The following CEMIP2 variants were observed in gnomAD, a reference collection of about 807,000 sequenced individuals.
CEMIP2 encodes cell migration inducing hyaluronidase 2.
In CEMIP2, 79 loss-of-function variants were observed where a neutral mutation model predicts 146.9. That is an observed-to-expected ratio of 0.54 (90% CI 0.45 to 0.65). The LOEUF (loss-of-function observed/expected upper bound fraction) is 0.65, where lower values mean the gene tolerates loss of function less well. Ranked by LOEUF, CEMIP2 falls within the 30% of genes least tolerant of loss-of-function variation. CEMIP2 has a pLI of 0.00. For missense variants in CEMIP2, 1,596 were observed against 1,696.2 expected, an observed-to-expected ratio of 0.94 and a Z score of 1.04; for synonymous variants, 601 against 606.3, an observed-to-expected ratio of 0.99 and a Z score of 0.13.
At chr9:71,734,772 T>C (rs901089365) in intron 6 of CEMIP2, 34 bp downstream of exon 6, 2 of 1,533,108 alleles carry the variant, frequency 1.3e-6, no homozygotes, top group African/African-American at 1.4e-5. Context: ...GAAAATAGTG[T>C]GTTTCCCAAG....
Position 71,730,178 on chromosome 9 carries a change from A to C in CEMIP2, c.1849T>G (p.Leu617Val). The C allele has an allele frequency of 2.5e-6, 4 of 1,614,174 alleles. No homozygotes were observed. Among genetic ancestry groups the C allele is most frequent in the Non-Finnish European group, 3.4e-6 (4 of 1,180,028 alleles). The change falls in exon 9 of 24, where the codon TTG (leucine) becomes GTG (valine). Residue 617 changes from leucine (L) to valine (V), a missense_variant. Physicochemically the swap from Leu to Val is conservative, Grantham distance 32. Transcript: ENST00000377044. ...GTGAGGAGTCCCAGATTGTGGAACA[A>C]AGTATTCCTCTGTTCAATACCATCT... is the stretch of plus-strand genomic sequence containing the variant. The part of the protein sequence containing the change: ...LEDGIEQRNT[L>V]FHNLGLLTKP...
At chr9:71,737,664 C>G (rs1823800890) in intron 5 of CEMIP2, among the ~76,000 whole-genome samples, 1 of 152,150 alleles carries the variant, frequency 6.6e-6, no homozygotes, top group East Asian at 1.9e-4. Flanking sequence ...AGTCACCGTA[C>G]CCGGCTCTGC....
intron 4 of CEMIP2, among the ~76,000 whole-genome samples, chr9:71,744,525 C>T (rs978626293): frequency 6.6e-6 from 1 of 151,988 alleles, no homozygotes; most frequent in Non-Finnish European, 1.5e-5. Flanking sequence ...ATGCAGATTC[C>T]AATCAGCCTG....
At chr9:71,702,961 C>T (rs1422330950) in intron 18 of CEMIP2, among the ~76,000 whole-genome samples, 1 of 152,174 alleles carries the variant, frequency 6.6e-6, no homozygotes, top group East Asian at 1.9e-4. Context: ...CCCAATATAA[C>T]TTATAGAGTA....
intron 11 of CEMIP2, among the ~76,000 whole-genome samples, chr9:71,724,683 A>T (rs1421938284): frequency 6.6e-6 from 1 of 152,210 alleles, no homozygotes; most frequent in African/African-American, 2.4e-5. Context: ...AATTTCATGA[A>T]AAAATGGAAA....
rs1455915445 is a variant in CEMIP2, at chr9:71,685,199, A to C, written c.4150T>G (p.Ter1384GluextTer6). The change falls in exon 24 of 24, where the codon TAG becomes GAG. Residue 1384 changes from the stop codon to glutamate (E), a stop_lost. Transcript: ENST00000377044. ...AGCACTTAAGTTACAGTTAGTCTCT[A>C]ATGTGCTTTTGAAGCTTGCTTTAGC... ...ELLKQASKAH[*>E] The C allele has an allele frequency of 1.2e-6, 2 of 1,605,684 alleles. No homozygotes were observed. The highest frequency in any genetic ancestry group is 1.7e-6 in the Non-Finnish European group (2 of 1,176,698).
chr9:71,734,923 T>C lies in CEMIP2; in HGVS notation c.1276A>G (p.Ser426Gly), dbSNP rs766573898. ...ACAATCTGGTCTCCAGGTTTCCAAC[T>C]ACTAACATCATCTAGCAAATTTAGC... is the stretch of plus-strand genomic sequence containing the variant. ...VKLNLLDDVS[S>G]WKPGDQIVVA... Residue 426 changes from serine to glycine, a missense_variant, in exon 6 of 24, where the codon AGT becomes GGT. Coordinates refer to ENST00000377044, the MANE Select transcript of CEMIP2 (RefSeq NM_013390.3). 3.1e-6 allele frequency: 5 copies of C among 1,613,552 alleles called. No homozygotes were observed. In the South Asian group the frequency reaches 5.5e-5, roughly 18 times the overall value.
Position 71,729,921 on chromosome 9 carries a change from G to A in CEMIP2, c.1980-7C>T, listed in dbSNP as rs768210116. 2 of 1,614,002 alleles carry A rather than the reference G, an allele frequency of 1.2e-6. No individual in the cohort carries two copies. The highest frequency in any genetic ancestry group is 1.1e-5 in the South Asian group (1 of 91,078). ...CCAGAAAGTTGAAACAGCCCTGCAAGGCATTTTTCAAGGTGATTTAAACAT... is the reference window on the plus strand; with the variant it reads ...CCAGAAAGTTGAAACAGCCCTGCAAAGCATTTTTCAAGGTGATTTAAACAT... On this transcript the variant is annotated splice_region_variant and splice_polypyrimidine_tract_variant and intron_variant, in intron 9 of 23. Transcript: ENST00000377044.
rs144169837 is a variant in CEMIP2, at chr9:71,694,522, G to C, written c.3683C>G (p.Pro1228Arg). ...GATGGTACTTACAGAAATAACAGAC[G>C]GGTCTCCACGCTGGGTTTCTGCTTT... is the stretch of plus-strand genomic sequence containing the variant. ...PDKAETQRGD[P>R]SVISVNGTDF... The change falls in exon 21 of 24, where the codon CCG (proline) becomes CGG (arginine). Residue 1228 changes from proline (P) to arginine (R), a missense_variant. Pro to Arg is a moderately radical substitution (Grantham distance 103, BLOSUM62 -2). Coordinates refer to ENST00000377044, the MANE Select transcript of CEMIP2 (RefSeq NM_013390.3). 6.2e-7 allele frequency: 1 copy of C among 1,613,142 alleles called. No homozygotes were observed. Among genetic ancestry groups the C allele is most frequent in the Admixed American group, 1.7e-5 (1 of 59,970 alleles).
intron 1 of CEMIP2, among the ~76,000 whole-genome samples, chr9:71,758,096 T>G (rs1338535035): frequency 6.6e-6 from 1 of 152,158 alleles, no homozygotes; most frequent in Non-Finnish European, 1.5e-5. Context: ...ATAATATACA[T>G]TTTTTAAAAA....
At chr9:71,733,752 AGGGGCT>A (rs1396030531) in intron 6 of CEMIP2, among the ~76,000 whole-genome samples, 2 of 152,344 alleles carry the variant, frequency 1.3e-5, no homozygotes, top group East Asian at 3.9e-4. Context: ...CAATGTACAA[AGGGGCT>A]GTGCCTAGTA....
chr9:71,717,821 T>A, intron 13 of CEMIP2, 127 bp downstream of exon 13: 1 of 907,086 alleles, frequency 1.1e-6, no homozygotes. Flanking sequence ...TCAGAGCTTG[T>A]CCTGTCTTAA....
chr9:71,745,797 G>A (rs1337807600), intron 3 of CEMIP2, among the ~76,000 whole-genome samples: 1 of 152,072 alleles, frequency 6.6e-6, no homozygotes, highest in Non-Finnish European at 1.5e-5. Flanking sequence ...CACTTTAGAG[G>A]TTAAATCATT....
intron 20 of CEMIP2, among the ~76,000 whole-genome samples, chr9:71,697,257 A>AAT (rs958313627): frequency 1.2e-4 from 18 of 152,306 alleles, no homozygotes; most frequent in African/African-American, 4.3e-4. Flanking sequence ...GTTTGTGTGA[A>AAT]ATATAAATCA....
At chr9:71,766,336 G>T (rs955548670) in intron 1 of CEMIP2, among the ~76,000 whole-genome samples, 2 of 152,044 alleles carry the variant, frequency 1.3e-5, no homozygotes, top group Non-Finnish European at 2.9e-5. Flanking sequence ...GCCTCCCAAA[G>T]TGCTGGGATT....
Position 71,730,916 on chromosome 9 carries a change from T to G in CEMIP2, c.1564-2A>C. On this transcript the variant is annotated splice_acceptor_variant, in intron 7 of 23. Transcript: ENST00000377044. LOFTEE classifies it high-confidence loss of function. ...GACTGAAGTAAAATTTTTCATTATC[T>G]GTAAGTCAAGGTACTAAAATCAAAC... The G allele has an allele frequency of 6.2e-7, 1 of 1,613,754 alleles. No homozygotes were observed.
intron 6 of CEMIP2, among the ~76,000 whole-genome samples, 166 bp from the exon 7 acceptor site, chr9:71,732,686 A>ATTTTTTTTTTTTTTTTTTTTTTT (rs59985618): frequency 1.3e-5 from 1 of 75,878 alleles, no homozygotes; most frequent in African/African-American, 6.2e-5. Flanking sequence ...GACACGGGGA[A>ATTTTTTTTTTTTTTTTTTTTTTT]TTTTTTTTTT....
upstream of CEMIP2, chr9:71,768,862 A>C (rs1476432058): frequency 7.7e-5 from 10 of 130,176 alleles, no homozygotes; most frequent in African/African-American, 2.6e-4. Flanking sequence ...CGGCCAGACA[A>C]GCAGCCCGGC....
In CEMIP2 at chr9:71,710,511, G is replaced by A. The variant is rs548454785; in HGVS notation, c.2770-1037C>T. Reference sequence around the variant, plus strand: ...CACCCTTTTAAGTAAAGCAAATTTTGCAAACCGCTCCTTTTATAAGCTTCA... The same window carrying A: ...CACCCTTTTAAGTAAAGCAAATTTTACAAACCGCTCCTTTTATAAGCTTCA... On this transcript the variant is annotated intron_variant, in intron 16 of 23. Coordinates refer to ENST00000377044, the MANE Select transcript of CEMIP2 (RefSeq NM_013390.3). 5.3e-4 allele frequency among the ~76,000 whole-genome samples: 81 copies of A among 152,264 alleles called. 1 individual carries two copies. In the South Asian group the frequency reaches 0.016, roughly 30 times the overall value.
Sources: gnomAD v4.1 joint callset for allele counts (sites outside exome capture counted in the v4.1 genomes callset) on GRCh38, gnomAD v4.1.1 for gene constraint, MANE v1.5 for transcripts, NCBI Gene and HGNC (gene_info 2026-07-23, HGNC 2026-07-21) for gene names.